LINGO2: variants seen among roughly 807,000 people sequenced by gnomAD.
LINGO2 encodes the protein leucine-rich repeat and immunoglobulin-like domain-containing nogo receptor-interacting protein 2.
Under a neutral mutation model 30.6 loss-of-function variants are expected in LINGO2, and 14 were observed. That is an observed-to-expected ratio of 0.46 (90% CI 0.30 to 0.72). The LOEUF is 0.72. LINGO2 is among the 30% of genes least tolerant of loss of function. The pLI, the probability that LINGO2 is intolerant of heterozygous loss-of-function variation, is 0.07. For missense variants in LINGO2, 729 were observed against 751.7 expected, an observed-to-expected ratio of 0.97 and a Z score of 0.35; for synonymous variants, 317 against 288.5, an observed-to-expected ratio of 1.10 and a Z score of -1.00.
At chr9:28,233,030 T>TTATA (rs1554690875) in intron 4 of LINGO2, among the ~76,000 whole-genome samples, 1,126 of 77,628 alleles carry the variant, frequency 0.015, 23 homozygotes, top group South Asian at 0.059. Context: ...ACAGTAAACA[T>TTATA]TATATATATA....
chr9:29,010,014 T>C, the LINGO2 span, among the ~76,000 whole-genome samples: 9 of 152,118 alleles, frequency 5.9e-5, no homozygotes, highest in Non-Finnish European at 1.2e-4. Context: ...CCTTACACCA[T>C]ATACAAAAAT....
At chr9:28,053,238 A>G (rs954666219) in intron 4 of LINGO2, among the ~76,000 whole-genome samples, 3 of 152,064 alleles carry the variant, frequency 2.0e-5, no homozygotes, top group Non-Finnish European at 4.4e-5. Context: ...ATGGAGAGGA[A>G]TTACATGACA....
At chr9:29,199,962 G>A in the LINGO2 span, among the ~76,000 whole-genome samples, 1 of 151,992 alleles carries the variant, frequency 6.6e-6, no homozygotes, top group African/African-American at 2.4e-5. Context: ...AAGCTTCAAA[G>A]TGAAGCTTAA....
At chr9:28,143,891 A>G (rs1235180695) in intron 4 of LINGO2, among the ~76,000 whole-genome samples, 1 of 142,042 alleles carries the variant, frequency 7.0e-6, no homozygotes, top group African/African-American at 2.6e-5. Context: ...TAATTATTAG[A>G]TCTTTTTGGT....
the LINGO2 span, among the ~76,000 whole-genome samples, chr9:28,842,281 G>A: frequency 6.6e-3 from 997 of 151,878 alleles, 28 homozygotes; most frequent in African/African-American, 0.023. Flanking sequence ...ACTCTACAAG[G>A]TAAGTAATAT....
intron 4 of LINGO2, among the ~76,000 whole-genome samples, chr9:28,136,033 T>A (rs1827507758): frequency 6.6e-6 from 1 of 152,190 alleles, no homozygotes; most frequent in Non-Finnish European, 1.5e-5. Context: ...TGAAATATAT[T>A]ATTTCTAAGG....
chr9:28,908,244 T>C, the LINGO2 span, among the ~76,000 whole-genome samples: 9 of 151,748 alleles, frequency 5.9e-5, no homozygotes, highest in African/African-American at 2.2e-4. Context: ...TTATGCTGAA[T>C]GATATATAAC....
chr9:28,923,005 T>A, the LINGO2 span, among the ~76,000 whole-genome samples: 2 of 152,116 alleles, frequency 1.3e-5, no homozygotes, highest in Non-Finnish European at 2.9e-5. Context: ...AGTACAAGGT[T>A]AAGCTACTTG....
the LINGO2 span, among the ~76,000 whole-genome samples, chr9:28,814,049 A>T: frequency 6.6e-6 from 1 of 152,224 alleles, no homozygotes; most frequent in African/African-American, 2.4e-5. Context: ...GAATTTTTAT[A>T]GAGATAATTC....
chr9:28,342,786 A>T (rs187162844), intron 3 of LINGO2, among the ~76,000 whole-genome samples: 5,387 of 151,212 alleles, frequency 0.036, 145 homozygotes, highest in Non-Finnish European at 0.049. Context: ...GTTAAAACAT[A>T]CTCTTTTTTC....
At chr9:28,792,792 A>G in the LINGO2 span, among the ~76,000 whole-genome samples, 2 of 152,140 alleles carry the variant, frequency 1.3e-5, no homozygotes, top group African/African-American at 4.8e-5. Flanking sequence ...GAGTGGCAGA[A>G]AACAAGTGAC....
intron 4 of LINGO2, among the ~76,000 whole-genome samples, chr9:28,236,340 A>G (rs1821564130): frequency 6.6e-6 from 1 of 152,186 alleles, no homozygotes; most frequent in South Asian, 2.1e-4. Flanking sequence ...GATTTCTTCA[A>G]TCTGAAAAAT....
the LINGO2 span, among the ~76,000 whole-genome samples, chr9:29,145,454 A>G: frequency 6.6e-6 from 1 of 151,978 alleles, no homozygotes; most frequent in Non-Finnish European, 1.5e-5. Flanking sequence ...ATTTTCTAAC[A>G]CATTATTTTG....
intron 1 of LINGO2, among the ~76,000 whole-genome samples, chr9:28,522,154 G>A (rs1820852332): frequency 6.6e-6 from 1 of 152,210 alleles, no homozygotes; most frequent in Non-Finnish European, 1.5e-5. Flanking sequence ...CAGAAAAGAA[G>A]AGGGGAGTGC....
At chr9:28,808,950 C>T in the LINGO2 span, among the ~76,000 whole-genome samples, 2 of 152,138 alleles carry the variant, frequency 1.3e-5, no homozygotes, top group South Asian at 4.1e-4. Context: ...CTGGGAGAAG[C>T]ACTGGCATCA....
intron 4 of LINGO2, among the ~76,000 whole-genome samples, chr9:28,153,015 T>C (rs1828041337): frequency 6.6e-6 from 1 of 152,088 alleles, no homozygotes; most frequent in South Asian, 2.1e-4. Context: ...GAAGAAAAGA[T>C]AAATAACCCC....
chr9:28,479,063 T>A (rs995197640), intron 1 of LINGO2, among the ~76,000 whole-genome samples: 1 of 152,006 alleles, frequency 6.6e-6, no homozygotes, highest in Non-Finnish European at 1.5e-5. Flanking sequence ...GATAAATTGA[T>A]GAAATTAAAG....
chr9:28,238,456 C>T (rs2133963134), intron 4 of LINGO2, among the ~76,000 whole-genome samples: 1 of 152,178 alleles, frequency 6.6e-6, no homozygotes, highest in South Asian at 2.1e-4. Flanking sequence ...CATCTCTGAC[C>T]ACAGCGGAAT....
intron 1 of LINGO2, among the ~76,000 whole-genome samples, chr9:28,555,963 T>C (rs1374880205): frequency 3.9e-5 from 6 of 152,082 alleles, no homozygotes; most frequent in Non-Finnish European, 8.8e-5. Flanking sequence ...TGCTAAAAAC[T>C]CTCAATAAAT....
Sources: allele counts gnomAD v4.1 joint callset (sites outside exome capture counted in the v4.1 genomes callset), GRCh38; gene constraint gnomAD v4.1.1; transcripts MANE v1.5; gene names NCBI Gene and HGNC (gene_info 2026-07-23, HGNC 2026-07-21).